The following KDM1A variants were observed in gnomAD, a reference collection of about 807,000 sequenced individuals.
The protein encoded by KDM1A is lysine demethylase 1A.
Under a neutral mutation model 109.4 loss-of-function variants are expected in KDM1A, and 49 were observed. The observed-to-expected ratio is 0.45, with a 90% CI of 0.36 to 0.57. The LOEUF is 0.57. Among genes scored for constraint, KDM1A ranks in the 20% least tolerant of loss-of-function variants. The probability of loss-of-function intolerance (pLI) is 0.00; values close to 1 mark genes in which losing one functional copy is unlikely to be tolerated. For synonymous variants in KDM1A, 380 were observed against 415.4 expected (o/e 0.91, Z 1.04); for missense variants, 668 against 1,116.6 (o/e 0.60, Z 5.73).
At chr1:23,048,729 A>C (rs1642573300) in intron 3 of KDM1A, among the ~76,000 whole-genome samples, 2 of 152,210 alleles carry the variant, frequency 1.3e-5, no homozygotes, top group African/African-American at 4.8e-5. Context: ...TAGCTTAGCT[A>C]TAATTTTCTA....
intron 1 of KDM1A, among the ~76,000 whole-genome samples, chr1:23,025,485 C>T (rs1641767522): frequency 6.6e-6 from 1 of 152,006 alleles, no homozygotes; most frequent in South Asian, 2.1e-4. Flanking sequence ...CACCTGCCAC[C>T]ACGCCCAGCT....
At chr1:23,035,400 C>G (rs116026371) in intron 2 of KDM1A, among the ~76,000 whole-genome samples, 1 of 152,164 alleles carries the variant, frequency 6.6e-6, no homozygotes, top group South Asian at 2.1e-4. Flanking sequence ...TGAGGTTTCT[C>G]CGCGTTGGCC....
At chr1:23,054,600 A>G (rs1348412946) in intron 5 of KDM1A, among the ~76,000 whole-genome samples, 2 of 152,012 alleles carry the variant, frequency 1.3e-5, no homozygotes, top group East Asian at 3.9e-4. Context: ...TGCATGGCTA[A>G]TTCTTTGTTT....
At chr1:23,054,144 T>C (rs748396204) in intron 5 of KDM1A, among the ~76,000 whole-genome samples, 1 of 152,186 alleles carries the variant, frequency 6.6e-6, no homozygotes, top group Non-Finnish European at 1.5e-5. Flanking sequence ...GGTTTTCTTA[T>C]TTCAGACTTG....
At position 23,035,457 on chromosome 1, in the gene KDM1A, C is replaced by T. The variant is rs565938186; in HGVS notation, c.517+4823C>T. On this transcript the variant is annotated intron_variant, in intron 2 of 20. Coordinates refer to ENST00000400181, the MANE Select transcript of KDM1A (RefSeq NM_001009999.3). The stretch of plus-strand genomic sequence containing the variant: ...CCTCAGGTGATCCACCTGCCTCAGC[C>T]TCCCAAAGTGCTGGGATTACAGGTG... Among the ~76,000 whole-genome samples, 17 of 152,250 alleles carry T rather than the reference C, an allele frequency of 1.1e-4. 1 individual carries two copies. The highest frequency in any genetic ancestry group is 3.4e-4 in the African/African-American group (14 of 41,560).
At chr1:23,057,414 G>A (rs1328045789) in intron 7 of KDM1A, 70 bp from the exon 8 acceptor site, 2 of 1,101,798 alleles carry the variant, frequency 1.8e-6, no homozygotes, top group African/African-American at 3.1e-5. Flanking sequence ...ACAGAGCCGT[G>A]GTATGGTACT....
At position 23,019,955 on chromosome 1, in the gene KDM1A, T is replaced by C. The variant is rs771226500; in HGVS notation, c.351+8T>C. On this transcript the variant is annotated splice_region_variant and intron_variant, in intron 1 of 20. Transcript: ENST00000400181. ...CGGCGCAAGCGGGCGAAGGTAAGGCTCGACCCTTCCCTCAAACGACACCGC... is the reference window on the plus strand; with the variant it reads ...CGGCGCAAGCGGGCGAAGGTAAGGCCCGACCCTTCCCTCAAACGACACCGC... 11 of 1,535,890 alleles carry C rather than the reference T, an allele frequency of 7.2e-6. No homozygotes were observed. The South Asian group carries it at 1.1e-4, about 15-fold the overall frequency.
chr1:23,071,171 A>C (rs549041873), intron 12 of KDM1A, 54 bp from the exon 13 acceptor site: 2 of 1,486,300 alleles, frequency 1.3e-6, no homozygotes, highest in East Asian at 4.5e-5. Context: ...CATGTGATGT[A>C]GACATAAACT....
chr1:23,038,620 A>T (rs147039515), intron 2 of KDM1A, among the ~76,000 whole-genome samples: 1 of 152,232 alleles, frequency 6.6e-6, no homozygotes, highest in African/African-American at 2.4e-5. Context: ...TGAAAAAGTA[A>T]ATTCTTTCCA....
At chr1:23,063,478 T>C (rs1433995452) in intron 9 of KDM1A, among the ~76,000 whole-genome samples, 1 of 152,216 alleles carries the variant, frequency 6.6e-6, no homozygotes, top group African/African-American at 2.4e-5. Flanking sequence ...TAGGTTAGTA[T>C]GCTTTTGACA....
At position 23,035,991 on chromosome 1, in the gene KDM1A, G is replaced by A. The variant is rs532779652; in HGVS notation, c.517+5357G>A. The stretch of plus-strand genomic sequence containing the variant: ...GATACCCTGATCTCTTCCCTGTGAG[G>A]CAGTCATACTGAGTGCAGTCTGGTG... On this transcript the variant is annotated intron_variant, in intron 2 of 20. Transcript: ENST00000400181. 4.6e-5 allele frequency among the ~76,000 whole-genome samples: 7 copies of A among 152,198 alleles called. No individual in the cohort carries two copies. In the East Asian group the frequency reaches 1.2e-3, roughly 25 times the overall value.
chr1:23,063,219 T>G (rs1047183915), intron 9 of KDM1A, among the ~76,000 whole-genome samples: 1,003 of 26,912 alleles, frequency 0.037, 34 homozygotes, highest in Non-Finnish European at 0.068. Flanking sequence ...TGGTGTGGGG[T>G]GGGTGTGTGT....
At position 23,019,818 on chromosome 1, in the gene KDM1A, G is replaced by A; in HGVS notation, c.222G>A (p.Leu74=). 18 of 1,421,872 alleles carry A rather than the reference G, an allele frequency of 1.3e-5. No individual in the cohort carries two copies. Among genetic ancestry groups the A allele is most frequent in the Non-Finnish European group, 1.7e-5 (18 of 1,089,314 alleles). The allele number at this position is 1,421,872 out of a possible 1,614,324, so 88.1% of individuals were successfully genotyped here. The change falls in exon 1 of 21, where the codon CTG becomes CTA. Residue 74 remains leucine (L), a synonymous_variant. Coordinates refer to ENST00000400181, the MANE Select transcript of KDM1A (RefSeq NM_001009999.3). ...EPPRASPPGG[L]AEPPGSAGPQ... ...CGCGGGCCTCGCCCCCCGGGGGCCT[G>A]GCGGAACCGCCGGGGTCCGCAGGGC... is the stretch of plus-strand genomic sequence containing the variant.
At chr1:23,052,712 C>T (rs1242693497) in intron 4 of KDM1A, among the ~76,000 whole-genome samples, 2 of 152,150 alleles carry the variant, frequency 1.3e-5, no homozygotes, top group Non-Finnish European at 2.9e-5. Context: ...AAACACAGTA[C>T]TTCCTTGGAT....
chr1:23,020,975 AAAC>A (rs1389048906), intron 1 of KDM1A, among the ~76,000 whole-genome samples: 1 of 152,208 alleles, frequency 6.6e-6, no homozygotes, highest in Non-Finnish European at 1.5e-5. Flanking sequence ...TAGTTGGAAA[AAAC>A]AACCTGGATA....
At chr1:23,073,898 C>A (rs563153512) in intron 15 of KDM1A, among the ~76,000 whole-genome samples, 14 of 152,286 alleles carry the variant, frequency 9.2e-5, no homozygotes, top group Non-Finnish European at 1.5e-4. Context: ...ACCACTGGTG[C>A]CTTAATGGGC....
chr1:23,063,496 G>A (rs1452026706), intron 9 of KDM1A, among the ~76,000 whole-genome samples: 2 of 152,142 alleles, frequency 1.3e-5, no homozygotes, highest in African/African-American at 4.8e-5. Flanking sequence ...ACACAGGTCT[G>A]TTGGCCTTCT....
At chr1:23,081,224 TCTTA>T in intron 18 of KDM1A, 1 of 495,264 alleles carries the variant, frequency 2.0e-6, no homozygotes, top group South Asian at 3.0e-5. Flanking sequence ...TGCCTGAGAA[TCTTA>T]CTTCACTCTA....
intron 15 of KDM1A, among the ~76,000 whole-genome samples, chr1:23,076,097 T>A (rs548240238): frequency 1.3e-5 from 2 of 152,340 alleles, no homozygotes; most frequent in African/African-American, 4.8e-5. Context: ...GCCCTTCTAG[T>A]CATTGATTTA....
Sources: allele counts gnomAD v4.1 joint callset (sites outside exome capture counted in the v4.1 genomes callset), GRCh38; gene constraint gnomAD v4.1.1; transcripts MANE v1.5; gene names NCBI Gene and HGNC (gene_info 2026-07-23, HGNC 2026-07-21).